LRRC7: variants seen among roughly 807,000 people sequenced by gnomAD.
LRRC7 encodes leucine rich repeat containing 7.
In LRRC7, 23 loss-of-function variants were observed where a neutral mutation model predicts 175.7. That is an observed-to-expected ratio of 0.13 (90% CI 0.09 to 0.19). LRRC7 has a LOEUF of 0.19. LRRC7 is among the 10% of genes least tolerant of loss of function. LRRC7 has a pLI of 1.00. For synonymous variants in LRRC7, 685 were observed against 680.9 expected (o/e 1.01, Z -0.09); for missense variants, 1,354 against 1,904.7 (o/e 0.71, Z 5.38).
chr1:70,089,888 G>A, intron 25 of LRRC7, 69 bp downstream of exon 25: 1 of 1,177,510 alleles, frequency 8.5e-7, no homozygotes, highest in Admixed American at 2.2e-5. Flanking sequence ...ACAAAGGTTA[G>A]AAAAAAATTC....
chr1:69,853,933 T>C (rs765591799), intron 7 of LRRC7, among the ~76,000 whole-genome samples: 3 of 152,212 alleles, frequency 2.0e-5, no homozygotes, highest in African/African-American at 4.8e-5. Context: ...ATTTCACTGA[T>C]AAAGTTTTGA....
At chr1:69,931,975 T>C (rs951925961) in intron 8 of LRRC7, among the ~76,000 whole-genome samples, 2 of 152,216 alleles carry the variant, frequency 1.3e-5, no homozygotes, top group Non-Finnish European at 2.9e-5. Context: ...CTTTGGAGGC[T>C]TCTTGGTGCC....
intron 2 of LRRC7, among the ~76,000 whole-genome samples, chr1:69,744,621 C>G (rs1473248193): frequency 6.6e-6 from 1 of 151,716 alleles, no homozygotes; most frequent in Non-Finnish European, 1.5e-5. Flanking sequence ...GAATGTGAAA[C>G]ACTGAATTTA....
intron 7 of LRRC7, among the ~76,000 whole-genome samples, chr1:69,849,816 T>C (rs1350911093): frequency 6.6e-6 from 1 of 152,100 alleles, no homozygotes; most frequent in Non-Finnish European, 1.5e-5. Flanking sequence ...TCACTTTATA[T>C]AGTGAACAAG....
intron 10 of LRRC7, among the ~76,000 whole-genome samples, chr1:69,990,496 G>T (rs1391210963): frequency 1.3e-5 from 2 of 151,942 alleles, no homozygotes; most frequent in East Asian, 3.9e-4. Flanking sequence ...TAAATAATTA[G>T]TGCCTGTAAA....
chr1:69,613,081 C>G (rs1449776658), intron 1 of LRRC7, among the ~76,000 whole-genome samples: 1 of 152,056 alleles, frequency 6.6e-6, no homozygotes, highest in Non-Finnish European at 1.5e-5. Context: ...CAATCACTGT[C>G]TTAGCCAGTT....
At chr1:69,847,033 T>TG (rs1682446812) in intron 7 of LRRC7, among the ~76,000 whole-genome samples, 1 of 152,050 alleles carries the variant, frequency 6.6e-6, no homozygotes, top group Non-Finnish European at 1.5e-5. Flanking sequence ...ATATAGAAAA[T>TG]GTTTAACTAA....
chr1:69,714,056 G>C (rs1365391432), intron 2 of LRRC7, among the ~76,000 whole-genome samples: 1 of 152,000 alleles, frequency 6.6e-6, no homozygotes, highest in African/African-American at 2.4e-5. Flanking sequence ...ATGCAGAGAG[G>C]TATGTTATAT....
At chr1:69,594,554 T>A (rs557734931) in intron 1 of LRRC7, among the ~76,000 whole-genome samples, 46 of 152,300 alleles carry the variant, frequency 3.0e-4, no homozygotes, top group Middle Eastern at 6.8e-3. Context: ...TACCTGCCTC[T>A]TGGGGCTTCA....
chr1:69,577,998 C>T (rs573579394), intron 1 of LRRC7, among the ~76,000 whole-genome samples: 3 of 152,192 alleles, frequency 2.0e-5, no homozygotes, highest in Admixed American at 2.0e-4. Context: ...GATATTGATT[C>T]TTCCTACCCT....
At chr1:69,649,812 C>T (rs1046667400) in intron 1 of LRRC7, among the ~76,000 whole-genome samples, 5 of 151,380 alleles carry the variant, frequency 3.3e-5, no homozygotes, top group African/African-American at 9.7e-5. Flanking sequence ...TACAAAACGG[C>T]TTAAGGGTGG....
At chr1:70,057,718 T>C (rs1309059763) in intron 23 of LRRC7, among the ~76,000 whole-genome samples, 1 of 152,170 alleles carries the variant, frequency 6.6e-6, no homozygotes, top group Admixed American at 6.5e-5. Flanking sequence ...CTGGCTATCA[T>C]AGATTTTTGG....
chr1:69,939,865 G>A (rs1453907715), intron 8 of LRRC7, among the ~76,000 whole-genome samples: 1 of 152,050 alleles, frequency 6.6e-6, no homozygotes, highest in Admixed American at 6.6e-5. Flanking sequence ...CTAAACAATA[G>A]TAGAGGTAGA....
rs1557884225 is a variant in LRRC7, at chr1:69,916,094, ATATTT to A, written c.648-15409_648-15405del. Among the ~76,000 whole-genome samples the A allele has an allele frequency of 6.4e-4, 87 of 136,122 alleles. 4 individuals are homozygous for A. The highest frequency in any genetic ancestry group is 2.3e-3 in the African/African-American group (84 of 36,754). 89.3% of individuals were successfully genotyped at this position (136,122 alleles called of 152,430 possible). ...TATATATAATATATATATTATATAC[ATATTT>A]TATATATAATATATATATTATATAC... is the stretch of plus-strand genomic sequence containing the variant. On this transcript the variant is annotated intron_variant, in intron 7 of 26. Transcript: ENST00000651989.
chr1:69,604,641 T>A (rs1418006), intron 1 of LRRC7, among the ~76,000 whole-genome samples: 13,089 of 152,148 alleles, frequency 0.086, 700 homozygotes, highest in East Asian at 0.22. Context: ...TTTGGCATCA[T>A]TTTTTATTGT....
chr1:69,986,120 C>T, intron 9 of LRRC7, 122 bp from the exon 10 acceptor site: 1 of 877,200 alleles, frequency 1.1e-6, no homozygotes, highest in South Asian at 2.1e-5. Context: ...CACATTCTTG[C>T]CAACACTTGT....
intron 9 of LRRC7, among the ~76,000 whole-genome samples, chr1:69,983,549 G>A (rs1427891890): frequency 3.9e-5 from 6 of 152,152 alleles, no homozygotes; most frequent in Admixed American, 3.9e-4. Flanking sequence ...CACGTAAAGA[G>A]AACATCTTCA....
In LRRC7 at chr1:70,018,826, G is replaced by A. The variant is rs145340830; in HGVS notation, c.1420+8G>A. 4.4e-6 allele frequency: 7 copies of A among 1,598,390 alleles called. No individual in the cohort carries two copies. The East Asian group carries it at 1.6e-4, about 36-fold the overall frequency. Reference sequence around the variant, plus strand: ...AGCCTCGTGGTGATGAAGGTAAATTGTCAGTAGAAATTTCTTCTCTACTTA... The same window carrying A: ...AGCCTCGTGGTGATGAAGGTAAATTATCAGTAGAAATTTCTTCTCTACTTA... On this transcript the variant is annotated splice_region_variant and intron_variant, in intron 15 of 26. Transcript: ENST00000651989.
chr1:69,919,652 G>C (rs1221022559), intron 7 of LRRC7: 2 of 888,376 alleles, frequency 2.3e-6, no homozygotes, highest in African/African-American at 3.3e-5. Flanking sequence ...AGGAGAGAAG[G>C]ACTTTGAGTC....
Sources: gnomAD v4.1 joint callset for allele counts (sites outside exome capture counted in the v4.1 genomes callset) on GRCh38, gnomAD v4.1.1 for gene constraint, MANE v1.5 for transcripts, NCBI Gene and HGNC (gene_info 2026-07-23, HGNC 2026-07-21) for gene names.